PRKN: variants seen among roughly 807,000 people sequenced by gnomAD.
The protein encoded by PRKN is E3 ubiquitin-protein ligase parkin.
A neutral mutation model predicts 59.5 loss-of-function variants in PRKN; 56 were observed. That is an observed-to-expected ratio of 0.94 (90% CI 0.76 to 1.18). The LOEUF (loss-of-function observed/expected upper bound fraction) is 1.18. Ranked by LOEUF, PRKN falls within the 50% of genes most tolerant of loss-of-function variation. The pLI, the probability that PRKN is intolerant of heterozygous loss-of-function variation, is 0.00. For synonymous variants in PRKN, 250 were observed against 222.1 expected (o/e 1.13, Z -1.12); for missense variants, 657 against 596.4 (o/e 1.10, Z -1.06).
chr6:161,371,982 G>T lies in PRKN; in HGVS notation c.1168-11777C>A, dbSNP rs571963751. ...AATGATTCTAACAGTGGTGATTTCT[G>T]CTAGGAGTGGAATGTGTGCCAAGTG... On this transcript the variant is annotated intron_variant, in intron 10 of 11. Coordinates refer to ENST00000366898, the MANE Select transcript of PRKN (RefSeq NM_004562.3). The surrounding 1 kb of genome is among the most constrained non-coding windows in gnomAD (Gnocchi z 5.5). 6.1e-4 allele frequency among the ~76,000 whole-genome samples: 93 copies of T among 152,170 alleles called. No individual in the cohort carries two copies. Among genetic ancestry groups the T allele is most frequent in the Non-Finnish European group, 9.7e-4 (66 of 68,026 alleles).
chr6:162,069,493 A>C (rs1304232045), intron 4 of PRKN, among the ~76,000 whole-genome samples: 1 of 152,198 alleles, frequency 6.6e-6, no homozygotes, highest in Non-Finnish European at 1.5e-5. Flanking sequence ...TTATTCTGGC[A>C]TGTTAAACTT....
chr6:161,394,592 C>T (rs1200135065), intron 9 of PRKN, among the ~76,000 whole-genome samples: 2 of 152,212 alleles, frequency 1.3e-5, no homozygotes, highest in Non-Finnish European at 2.9e-5. Flanking sequence ...TCATCATGCG[C>T]GTGCACGTAA....
intron 6 of PRKN, among the ~76,000 whole-genome samples, chr6:161,949,364 A>T (rs922872125): frequency 1.3e-5 from 2 of 152,094 alleles, no homozygotes; most frequent in Non-Finnish European, 2.9e-5. Context: ...CACAAAAATT[A>T]GCCGGGCATT....
At chr6:162,051,049 C>T (rs1174822278) in intron 5 of PRKN, among the ~76,000 whole-genome samples, 1 of 152,138 alleles carries the variant, frequency 6.6e-6, no homozygotes, top group African/African-American at 2.4e-5. Flanking sequence ...CCTACAAGTG[C>T]TGCAATGACA....
At chr6:162,101,324 T>C (rs926390363) in intron 4 of PRKN, among the ~76,000 whole-genome samples, 4 of 151,406 alleles carry the variant, frequency 2.6e-5, no homozygotes, top group East Asian at 2.0e-4. Context: ...ACACCACTTA[T>C]GGAAGAGACA....
intron 2 of PRKN, among the ~76,000 whole-genome samples, chr6:162,353,441 T>G (rs2128131748): frequency 6.6e-6 from 1 of 152,294 alleles, no homozygotes; most frequent in Admixed American, 6.5e-5. Flanking sequence ...TATTATATAT[T>G]ATGTACATAA....
chr6:161,356,843 A>G lies in PRKN; in HGVS notation c.1285+3245T>C, dbSNP rs1227679603. 1.3e-5 allele frequency among the ~76,000 whole-genome samples: 2 copies of G among 152,016 alleles called. No individual in the cohort carries two copies. The highest frequency in any genetic ancestry group is 2.9e-5 in the Non-Finnish European group (2 of 67,998). ...GGAAGCAGCTGGCTATTGGAGTCGG[A>G]CCGAGGGGCGAGATGAGGGTGGGGT... On this transcript the variant is annotated intron_variant, in intron 11 of 11. Transcript: ENST00000366898. This position sits in a 1 kb window ranked among gnomAD's most constrained non-coding sequence, Gnocchi z 7.8.
chr6:161,577,583 A>G (rs1056516941), intron 7 of PRKN, among the ~76,000 whole-genome samples: 1 of 152,236 alleles, frequency 6.6e-6, no homozygotes, highest in Admixed American at 6.5e-5. Context: ...TGCTTTCAGA[A>G]TAAGCTGAAA....
chr6:161,545,137 C>G lies in PRKN; in HGVS notation c.1083+3717G>C, dbSNP rs371145213. On this transcript the variant is annotated intron_variant, in intron 9 of 11. Transcript: ENST00000366898. The surrounding 1 kb of genome is among the most constrained non-coding windows in gnomAD (Gnocchi z 4.1). ...ATTTGGTTTTCAACTTTTTTATACGCGATTTTTTTTGTAACAGCTAACATT... is the reference window on the plus strand; with the variant it reads ...ATTTGGTTTTCAACTTTTTTATACGGGATTTTTTTTGTAACAGCTAACATT... 4 of 1,281,692 alleles carry G rather than the reference C, an allele frequency of 3.1e-6. No individual in the cohort carries two copies. The Admixed American group carries it at 1.1e-4, about 37-fold the overall frequency. 79.4% of individuals were successfully genotyped at this position (1,281,692 alleles called of 1,614,324 possible).
intron 7 of PRKN, among the ~76,000 whole-genome samples, chr6:161,771,768 G>C (rs1329155660): frequency 6.6e-6 from 1 of 152,158 alleles, no homozygotes; most frequent in East Asian, 1.9e-4. Flanking sequence ...CTTGACATTA[G>C]AATATTAAGC....
At chr6:161,953,627 G>T (rs1191087957) in intron 6 of PRKN, among the ~76,000 whole-genome samples, 1 of 152,118 alleles carries the variant, frequency 6.6e-6, no homozygotes, top group Non-Finnish European at 1.5e-5. Context: ...CAGCCCTGCA[G>T]GTACTGCTGC....
intron 1 of PRKN, among the ~76,000 whole-genome samples, chr6:162,449,583 TTTA>T (rs1408905905): frequency 7.9e-5 from 12 of 152,084 alleles, no homozygotes; most frequent in African/African-American, 2.6e-4. Flanking sequence ...TATTTTATTA[TTTA>T]TTTTTATTTT....
intron 1 of PRKN, among the ~76,000 whole-genome samples, chr6:162,707,027 T>C (rs1020202653): frequency 5.9e-5 from 9 of 152,210 alleles, no homozygotes; most frequent in Non-Finnish European, 1.2e-4. Context: ...TTAAGAAAGA[T>C]AGCTTTTAAG....
chr6:162,293,585 C>T (rs1320757419), intron 2 of PRKN, among the ~76,000 whole-genome samples: 4 of 152,118 alleles, frequency 2.6e-5, no homozygotes, highest in Non-Finnish European at 5.9e-5. Flanking sequence ...TCCACTTTTT[C>T]GAGTGCTCTT....
rs186052222 is a variant in PRKN, at chr6:161,808,414, A to T, written c.735-22506T>A. On this transcript the variant is annotated intron_variant, in intron 6 of 11. Coordinates refer to ENST00000366898, the MANE Select transcript of PRKN (RefSeq NM_004562.3). ...AAGTTGCTTAACTGAACACTAAAGTATTTATTAGTAAAAGACCATCATATC... is the reference window on the plus strand; with the variant it reads ...AAGTTGCTTAACTGAACACTAAAGTTTTTATTAGTAAAAGACCATCATATC... 5.9e-5 allele frequency among the ~76,000 whole-genome samples: 9 copies of T among 152,308 alleles called. No individual in the cohort carries two copies. The East Asian group carries it at 1.7e-3, about 29-fold the overall frequency.
chr6:162,267,102 T>C (rs533755085), intron 2 of PRKN: 36 of 152,304 alleles, frequency 2.4e-4, no homozygotes, highest in African/African-American at 8.7e-4. Context: ...CTAAAAGATT[T>C]CAAATCCAGA....
chr6:162,380,397 CTATA>C (rs5881472), intron 2 of PRKN, among the ~76,000 whole-genome samples: 3,198 of 134,504 alleles, frequency 0.024, 163 homozygotes, highest in African/African-American at 0.085. Context: ...TAGTTTAAAG[CTATA>C]TATATATATA....
At chr6:161,708,675 T>C (rs893908957) in intron 7 of PRKN, among the ~76,000 whole-genome samples, 8 of 152,240 alleles carry the variant, frequency 5.3e-5, no homozygotes, top group Non-Finnish European at 8.8e-5. Context: ...TTTTATGCCC[T>C]AGATTATCTC....
At chr6:162,190,270 T>A (rs60883055) in intron 4 of PRKN, among the ~76,000 whole-genome samples, 1 of 151,990 alleles carries the variant, frequency 6.6e-6, no homozygotes, top group Non-Finnish European at 1.5e-5. Flanking sequence ...TTTTTCCCAG[T>A]ACGCAATACT....
Sources: allele counts gnomAD v4.1 joint callset (sites outside exome capture counted in the v4.1 genomes callset), GRCh38; gene constraint gnomAD v4.1.1; non-coding constraint Gnocchi (gnomAD v3.1); transcripts MANE v1.5; gene names NCBI Gene and HGNC (gene_info 2026-07-23, HGNC 2026-07-21).